The following ALG10B variants were observed in gnomAD, a reference collection of about 807,000 sequenced individuals.
The protein encoded by ALG10B is ALG10 alpha-1,2-glucosyltransferase B.
A neutral mutation model predicts 38.7 loss-of-function variants in ALG10B; 27 were observed. The observed-to-expected ratio is 0.70, with a 90% CI of 0.51 to 0.96. The LOEUF (loss-of-function observed/expected upper bound fraction) is 0.96, where lower values mean the gene tolerates loss of function less well. Among genes scored for constraint, ALG10B ranks in the 40% least tolerant of loss-of-function variants. The probability of loss-of-function intolerance (pLI) is 0.00; values close to 1 mark genes in which losing one functional copy is unlikely to be tolerated. For synonymous variants in ALG10B, 177 were observed against 193.3 expected (o/e 0.92, Z 0.70); for missense variants, 522 against 542.7 (o/e 0.96, Z 0.38).
chr12:38,325,018 C>T lies in ALG10B; in HGVS notation c.*3805C>T, dbSNP rs1405089545. 2 of 152,140 alleles carry T rather than the reference C, an allele frequency of 1.3e-5. No homozygotes were observed. The highest frequency in any genetic ancestry group is 2.9e-5 in the Non-Finnish European group (2 of 67,986). 9.4% of individuals were successfully genotyped at this position (152,140 alleles called of 1,614,324 possible). A position where few individuals can be genotyped will look rare whatever the true frequency, so the allele number is the denominator to read the frequency against. On this transcript the variant is annotated 3_prime_UTR_variant, in exon 3 of 3. Coordinates refer to ENST00000308742, the MANE Select transcript of ALG10B (RefSeq NM_001013620.4). ...AGGTTCAGTAATACATCATTTTGAA[C>T]TGATTCTATCTTCTGTGAAATTCTA...
Position 38,321,427 on chromosome 12 carries a change from T to C in ALG10B, c.*214T>C, listed in dbSNP as rs2120498938. The C allele has an allele frequency of 4.8e-6, 2 of 420,062 alleles. No individual in the cohort carries two copies. The highest frequency in any genetic ancestry group is 3.8e-5 in the East Asian group (1 of 26,188). The allele number at this position is 420,062 out of a possible 1,614,324, so 26.0% of individuals were successfully genotyped here. On this transcript the variant is annotated 3_prime_UTR_variant, in exon 3 of 3. Transcript: ENST00000308742. ...AGACCTGCTTCAAAAGCCTGAATAA[T>C]GGGAAAATAAAATTGTTTTCAGATA...
Position 38,321,295 on chromosome 12 carries a change from T to C in ALG10B, c.*82T>C. The C allele has an allele frequency of 1.4e-6, 2 of 1,438,804 alleles. No homozygotes were observed. The highest frequency in any genetic ancestry group is 1.9e-6 in the Non-Finnish European group (2 of 1,058,396). The allele number at this position is 1,438,804 out of a possible 1,614,324, so 89.1% of individuals were successfully genotyped here. On this transcript the variant is annotated 3_prime_UTR_variant, in exon 3 of 3. Transcript: ENST00000308742. ...AGAACAACTGAATAGGTGGAAAACA[T>C]GGAATTTCTTTTAGGTGCAGTGGTG...
Position 38,328,553 on chromosome 12 carries a change from T to C in ALG10B, c.*7340T>C, listed in dbSNP as rs1329732551. The C allele has an allele frequency of 1.3e-5, 2 of 152,206 alleles. No homozygotes were observed. Among genetic ancestry groups the C allele is most frequent in the East Asian group, 3.8e-4 (2 of 5,200 alleles). 9.4% of individuals were successfully genotyped at this position (152,206 alleles called of 1,614,324 possible). On this transcript the variant is annotated 3_prime_UTR_variant, in exon 3 of 3. Coordinates refer to ENST00000308742, the MANE Select transcript of ALG10B (RefSeq NM_001013620.4). ...ATTTCCAAGTGTTGTAGTTAAACTTTTATTAGTCTGAATTAAACTCTTTTA... is the reference window on the plus strand; with the variant it reads ...ATTTCCAAGTGTTGTAGTTAAACTTCTATTAGTCTGAATTAAACTCTTTTA...
rs1431736025 is a variant in ALG10B at position 38,325,208 on chromosome 12, T to C, written c.*3995T>C. On this transcript the variant is annotated 3_prime_UTR_variant, in exon 3 of 3. Transcript: ENST00000308742. Reference sequence around the variant, plus strand: ...CTCTCAGTTTAAACTTAGCATCTCATTTTGGCAAGATAAATTATTTTAGCT... The same window carrying C: ...CTCTCAGTTTAAACTTAGCATCTCACTTTGGCAAGATAAATTATTTTAGCT... The C allele has an allele frequency of 6.6e-6, 1 of 152,232 alleles. No homozygotes were observed. Among genetic ancestry groups the C allele is most frequent in the African/African-American group, 2.4e-5 (1 of 41,470 alleles). The allele number at this position is 152,232 out of a possible 1,614,324, so 9.4% of individuals were successfully genotyped here.
rs767876437 is a variant in ALG10B, at chr12:38,320,844, T to C, written c.1053T>C (p.Asn351=). Residue 351 remains asparagine (N), a synonymous_variant, in exon 3 of 3, where the codon AAT becomes AAC. Coordinates refer to ENST00000308742, the MANE Select transcript of ALG10B (RefSeq NM_001013620.4). ...CTCATAAATACTTGCTAGCAGACAA[T>C]AGACATTATACTTTCTATGTGTGGA... ...TYAHKYLLAD[N]RHYTFYVWKR... is the part of the protein sequence containing the mutation. 17 of 1,613,704 alleles carry C rather than the reference T, an allele frequency of 1.1e-5. No homozygotes were observed. In the South Asian group the frequency reaches 1.3e-4, roughly 13 times the overall value.
rs1945706774 is a variant in ALG10B at position 38,321,724 on chromosome 12, T to C, written c.*511T>C. 5 of 152,596 alleles carry C rather than the reference T, an allele frequency of 3.3e-5. No homozygotes were observed. 9.5% of individuals were successfully genotyped at this position (152,596 alleles called of 1,614,324 possible). On this transcript the variant is annotated 3_prime_UTR_variant, in exon 3 of 3. Coordinates refer to ENST00000308742, the MANE Select transcript of ALG10B (RefSeq NM_001013620.4). ...CTTGACTGAAAAGTTCCTTAACATT[T>C]CAGTAAATATAATTTTAATTCTAAG... is the stretch of plus-strand genomic sequence containing the variant.
At chr12:38,319,103 A>C (rs1209672187) in intron 2 of ALG10B, among the ~76,000 whole-genome samples, 1 of 152,220 alleles carries the variant, frequency 6.6e-6, no homozygotes. Flanking sequence ...AGATTATTTC[A>C]GTAGTGTCAA....
rs528485060 is a variant in ALG10B at position 38,325,515 on chromosome 12, A to G, written c.*4302A>G. The stretch of plus-strand genomic sequence containing the variant: ...TTTAAATAAAATATTTATTCACATG[A>G]AGAAATAAATTTTGTGTTTATTAGG... On this transcript the variant is annotated 3_prime_UTR_variant, in exon 3 of 3. Coordinates refer to ENST00000308742, the MANE Select transcript of ALG10B (RefSeq NM_001013620.4). The G allele has an allele frequency of 6.7e-6, 1 of 148,412 alleles. No individual in the cohort carries two copies. Among genetic ancestry groups the G allele is most frequent in the Non-Finnish European group, 1.5e-5 (1 of 68,008 alleles). 9.2% of individuals were successfully genotyped at this position (148,412 alleles called of 1,614,324 possible). A position where few individuals can be genotyped will look rare whatever the true frequency, so the allele number is the denominator to read the frequency against.
At chr12:38,317,287 C>G (rs1945664398) in intron 1 of ALG10B, 2 of 699,742 alleles carry the variant, frequency 2.9e-6, no homozygotes, top group Non-Finnish European at 4.6e-6. Context: ...GAGGAGTGAT[C>G]TGGGAGAATA....
Position 38,323,289 on chromosome 12 carries a change from A to G in ALG10B, c.*2076A>G, listed in dbSNP as rs921211228. 1.3e-5 allele frequency: 2 copies of G among 152,256 alleles called. No homozygotes were observed. Among genetic ancestry groups the G allele is most frequent in the Non-Finnish European group, 2.9e-5 (2 of 68,088 alleles). The allele number at this position is 152,256 out of a possible 1,614,324, so 9.4% of individuals were successfully genotyped here. On this transcript the variant is annotated 3_prime_UTR_variant, in exon 3 of 3. Coordinates refer to ENST00000308742, the MANE Select transcript of ALG10B (RefSeq NM_001013620.4). ...TATCTATTAAAAAAAGTCAGAATTG[A>G]AAGAAAGTTGAGAAATCCTTTGGTC...
rs1215345692 is a variant in ALG10B at position 38,326,124 on chromosome 12, A to G, written c.*4911A>G. 2.6e-5 allele frequency: 4 copies of G among 152,042 alleles called. No individual in the cohort carries two copies. In the East Asian group the frequency reaches 7.7e-4, roughly 29 times the overall value. The allele number at this position is 152,042 out of a possible 1,614,324, so 9.4% of individuals were successfully genotyped here. ...CAGGATGGCTTTGAATGCGGCCCCAACACAAATTTTGTAAGCTTTCTTAAA... is the reference window on the plus strand; with the variant it reads ...CAGGATGGCTTTGAATGCGGCCCCAGCACAAATTTTGTAAGCTTTCTTAAA... On this transcript the variant is annotated 3_prime_UTR_variant, in exon 3 of 3. Coordinates refer to ENST00000308742, the MANE Select transcript of ALG10B (RefSeq NM_001013620.4).
chr12:38,317,169 C>T (rs1945663473), intron 1 of ALG10B, 105 bp downstream of exon 1: 1 of 1,521,970 alleles, frequency 6.6e-7, no homozygotes, highest in Non-Finnish European at 9.0e-7. Context: ...TCCACCCCAC[C>T]CCAGCCTCAG....
Position 38,318,169 on chromosome 12 carries a change from T to G in ALG10B, c.172-92T>G, listed in dbSNP as rs553293935. On this transcript the variant is annotated intron_variant, in intron 1 of 2. Coordinates refer to ENST00000308742, the MANE Select transcript of ALG10B (RefSeq NM_001013620.4). ...AGACTAACTTCTCAAAATTTCTGAT[T>G]GTTGCTGGAGATGAGACTTGGGCTT... The G allele has an allele frequency of 2.2e-4, 326 of 1,484,850 alleles. 4 individuals are homozygous for G. In the South Asian group the frequency reaches 3.6e-3, roughly 16 times the overall value. 92.0% of individuals were successfully genotyped at this position (1,484,850 alleles called of 1,614,324 possible).
At position 38,325,006 on chromosome 12, in the gene ALG10B, C is replaced by A. The variant is rs1945732100; in HGVS notation, c.*3793C>A. On this transcript the variant is annotated 3_prime_UTR_variant, in exon 3 of 3. Transcript: ENST00000308742. ...ATAAATCATTATAGGTTCAGTAATA[C>A]ATCATTTTGAACTGATTCTATCTTC... 1 of 152,128 alleles carries A rather than the reference C, an allele frequency of 6.6e-6. No individual in the cohort carries two copies. Among genetic ancestry groups the A allele is most frequent in the Non-Finnish European group, 1.5e-5 (1 of 67,998 alleles). The allele number at this position is 152,128 out of a possible 1,614,324, so 9.4% of individuals were successfully genotyped here. A position where few individuals can be genotyped will look rare whatever the true frequency, so the allele number is the denominator to read the frequency against.
In ALG10B at chr12:38,325,592, A is replaced by C. The variant is rs1321079675; in HGVS notation, c.*4379A>C. 6.6e-6 allele frequency: 1 copy of C among 152,228 alleles called. No individual in the cohort carries two copies. Among genetic ancestry groups the C allele is most frequent in the Non-Finnish European group, 1.5e-5 (1 of 68,022 alleles). 9.4% of individuals were successfully genotyped at this position (152,228 alleles called of 1,614,324 possible). On this transcript the variant is annotated 3_prime_UTR_variant, in exon 3 of 3. Coordinates refer to ENST00000308742, the MANE Select transcript of ALG10B (RefSeq NM_001013620.4). ...TAATTGGAATTTCATTAAAAAGTGA[A>C]GCAAGTAAGAATTGTGATATAAATT... is the stretch of plus-strand genomic sequence containing the variant.
Position 38,327,700 on chromosome 12 carries a change from C to A in ALG10B, c.*6487C>A, listed in dbSNP as rs1373512356. The A allele has an allele frequency of 6.6e-6, 1 of 151,990 alleles. No homozygotes were observed. The highest frequency in any genetic ancestry group is 2.4e-5 in the African/African-American group (1 of 41,362). 9.4% of individuals were successfully genotyped at this position (151,990 alleles called of 1,614,324 possible). On this transcript the variant is annotated 3_prime_UTR_variant, in exon 3 of 3. Coordinates refer to ENST00000308742, the MANE Select transcript of ALG10B (RefSeq NM_001013620.4). The stretch of plus-strand genomic sequence containing the variant: ...GTATATGGAGAGAGAGGTGAAAATC[C>A]ATGTTTGCTCTCTGCAGTTTCCAAA...
intron 1 of ALG10B, chr12:38,317,329 G>C: frequency 1.8e-6 from 1 of 557,312 alleles, no homozygotes; most frequent in Non-Finnish European, 3.1e-6. Context: ...CCTCTTGGCA[G>C]CTGACAATAT....
Position 38,327,381 on chromosome 12 carries a change from A to T in ALG10B, c.*6168A>T, listed in dbSNP as rs1169045250. On this transcript the variant is annotated 3_prime_UTR_variant, in exon 3 of 3. Transcript: ENST00000308742. ...AAAAGGAGAAAAAGTAACAATAATA[A>T]TGATGGTTGCCATCATTCATTGAAC... 6.6e-6 allele frequency: 1 copy of T among 152,232 alleles called. No individual in the cohort carries two copies. Among genetic ancestry groups the T allele is most frequent in the African/African-American group, 2.4e-5 (1 of 41,462 alleles). 9.4% of individuals were successfully genotyped at this position (152,232 alleles called of 1,614,324 possible).
rs1172846771 is a variant in ALG10B, at chr12:38,328,702, A to C, written c.*7489A>C. On this transcript the variant is annotated 3_prime_UTR_variant, in exon 3 of 3. Coordinates refer to ENST00000308742, the MANE Select transcript of ALG10B (RefSeq NM_001013620.4). ...AATGTAAAAAAAACAAACAAAAAAAACCTCACTTTGTGTTTTGTAATCATT... is the reference window on the plus strand; with the variant it reads ...AATGTAAAAAAAACAAACAAAAAAACCCTCACTTTGTGTTTTGTAATCATT... 3.9e-5 allele frequency: 6 copies of C among 152,362 alleles called. No homozygotes were observed. The East Asian group carries it at 7.7e-4, about 19-fold the overall frequency. 9.4% of individuals were successfully genotyped at this position (152,362 alleles called of 1,614,324 possible).
Sources: gnomAD v4.1 joint callset for allele counts (sites outside exome capture counted in the v4.1 genomes callset) on GRCh38, gnomAD v4.1.1 for gene constraint, MANE v1.5 for transcripts, NCBI Gene and HGNC (gene_info 2026-07-23, HGNC 2026-07-21) for gene names.